The following MED13L variants were observed in gnomAD, a reference collection of about 807,000 sequenced individuals.
The protein encoded by MED13L is mediator of RNA polymerase II transcription subunit 13-like.
A neutral mutation model predicts 220.9 loss-of-function variants in MED13L; 7 were observed. The ratio of observed to expected loss-of-function variants is 0.03; its 90% CI spans 0.02 to 0.06. The LOEUF (loss-of-function observed/expected upper bound fraction) is 0.06, where lower values mean the gene tolerates loss of function less well. Among genes scored for constraint, MED13L ranks in the 10% least tolerant of loss-of-function variants. MED13L has a pLI of 1.00. For synonymous variants in MED13L, 1,011 were observed against 1,015.2 expected, an observed-to-expected ratio of 1.00 and a Z score of 0.08; for missense variants, 1,965 against 2,760.5, an observed-to-expected ratio of 0.71 and a Z score of 6.46.
At chr12:116,213,386 T>A (rs1475554476) in intron 2 of MED13L, among the ~76,000 whole-genome samples, 1 of 127,866 alleles carries the variant, frequency 7.8e-6, no homozygotes, top group African/African-American at 3.3e-5. Context: ...GCAAGTTTCT[T>A]CTGGAGTGCA....
chr12:115,972,061 G>A lies in MED13L; in HGVS notation c.5890+17C>T, dbSNP rs976682438. The A allele has an allele frequency of 2.5e-6, 4 of 1,612,916 alleles. No homozygotes were observed. The highest frequency in any genetic ancestry group is 2.5e-6 in the Non-Finnish European group (3 of 1,179,348). ...GATGTGATATGTAATTAATGACAAT[G>A]ACAAGAAGAAATTTACCTGGCATCA... is the stretch of plus-strand genomic sequence containing the variant. On this transcript the variant is annotated intron_variant, in intron 26 of 30. Transcript: ENST00000281928.
chr12:116,142,204 TTACTATCTTCTC>T (rs1469355280), intron 2 of MED13L, among the ~76,000 whole-genome samples: 1 of 152,204 alleles, frequency 6.6e-6, no homozygotes, highest in African/African-American at 2.4e-5. Flanking sequence ...GTTTACTTCT[TTACTATCTTCTC>T]TACCAGAGCT....
intron 9 of MED13L, among the ~76,000 whole-genome samples, chr12:116,009,495 C>A (rs1414265080): frequency 6.6e-6 from 1 of 152,106 alleles, no homozygotes; most frequent in Non-Finnish European, 1.5e-5. Context: ...TGCCAAGAAA[C>A]AACAAAGCTT....
chr12:115,996,818 C>T (rs1878436191), intron 15 of MED13L, 137 bp from the exon 16 acceptor site: 1 of 1,049,608 alleles, frequency 9.5e-7, no homozygotes, highest in Non-Finnish European at 1.5e-6. Context: ...TTAGAAAATG[C>T]TAATGCAGAA....
At chr12:116,096,787 A>G (rs757930685) in intron 3 of MED13L, 35 bp from the exon 4 acceptor site, 147 of 1,517,058 alleles carry the variant, frequency 9.7e-5, no homozygotes, top group Non-Finnish European at 1.3e-4. Flanking sequence ...CTTTTATAGT[A>G]TCAGTAACAA....
At chr12:116,106,728 C>T (rs1326712719) in intron 3 of MED13L, among the ~76,000 whole-genome samples, 5 of 151,966 alleles carry the variant, frequency 3.3e-5, no homozygotes, top group Non-Finnish European at 7.4e-5. Flanking sequence ...TACCTGTAAT[C>T]CCAGCTACTG....
Position 116,008,768 on chromosome 12 carries a change from G to A in MED13L, c.1645C>T (p.His549Tyr). The change falls in exon 10 of 31, where the codon CAT becomes TAT. Residue 549 changes from histidine to tyrosine, a missense_variant. Physicochemically the swap from His to Tyr is moderately conservative, Grantham distance 83 (BLOSUM62 2). Coordinates refer to ENST00000281928, the MANE Select transcript of MED13L (RefSeq NM_015335.5). ...QMNLNPMDSP[H>Y]SPISPLPPTL... ...GGTGGCAGAGGGGATATAGGGGAAT[G>A]AGGTGAATCCATAGGATTCAGATTC... 6.2e-7 allele frequency: 1 copy of A among 1,614,046 alleles called. No individual in the cohort carries two copies. Among genetic ancestry groups the A allele is most frequent in the Non-Finnish European group, 8.5e-7 (1 of 1,180,008 alleles).
chr12:115,982,419 A>G lies in MED13L; in HGVS notation c.5140T>C (p.Leu1714=). The change falls in exon 22 of 31, where the codon TTA becomes CTA. Residue 1714 remains leucine, a synonymous_variant. Transcript: ENST00000281928. ...MRCYTEMLDN[L]PEHMRNSFIL... ...AAAGAATTTCTCATATGCTCAGGTA[A>G]ATTATCCAGCATTTCTGTGTAGCAG... The G allele has an allele frequency of 6.2e-7, 1 of 1,614,120 alleles. No individual in the cohort carries two copies. Among genetic ancestry groups the G allele is most frequent in the Non-Finnish European group, 8.5e-7 (1 of 1,179,952 alleles).
At chr12:116,180,562 A>G (rs1051714454) in intron 2 of MED13L, among the ~76,000 whole-genome samples, 7 of 152,144 alleles carry the variant, frequency 4.6e-5, no homozygotes, top group African/African-American at 1.7e-4. Flanking sequence ...TCTGGTCCCA[A>G]GCGTTTCAAA....
intron 2 of MED13L, among the ~76,000 whole-genome samples, chr12:116,188,830 C>A (rs1258908182): frequency 6.6e-6 from 1 of 152,144 alleles, no homozygotes; most frequent in Non-Finnish European, 1.5e-5. Flanking sequence ...CACTATATAA[C>A]CTTTGAGATT....
intron 2 of MED13L, among the ~76,000 whole-genome samples, chr12:116,132,898 C>A (rs896470626): frequency 6.6e-6 from 1 of 150,956 alleles, no homozygotes; most frequent in South Asian, 2.1e-4. Context: ...GGTGACAAAG[C>A]GAGACTCTGT....
intron 2 of MED13L, among the ~76,000 whole-genome samples, chr12:116,188,586 C>T (rs949195449): frequency 6.6e-6 from 1 of 152,016 alleles, no homozygotes; most frequent in South Asian, 2.1e-4. Flanking sequence ...TTCAGTGTAC[C>T]CTTAACCCAG....
chr12:116,163,733 T>A (rs1879052636), intron 2 of MED13L, among the ~76,000 whole-genome samples: 1 of 152,212 alleles, frequency 6.6e-6, no homozygotes, highest in Non-Finnish European at 1.5e-5. Context: ...GAAGTACACA[T>A]ATCATACATA....
intron 2 of MED13L, among the ~76,000 whole-genome samples, chr12:116,137,365 T>C (rs1316850842): frequency 6.6e-6 from 1 of 152,186 alleles, no homozygotes; most frequent in Non-Finnish European, 1.5e-5. Flanking sequence ...TAGACAAATA[T>C]AATCTCCACT....
At chr12:116,074,035 G>T (rs990121617) in intron 4 of MED13L, among the ~76,000 whole-genome samples, 2 of 152,202 alleles carry the variant, frequency 1.3e-5, no homozygotes, top group African/African-American at 4.8e-5. Context: ...TTATTAATAT[G>T]TATTTCTCTA....
chr12:116,030,276 A>T (rs895688313), intron 4 of MED13L, among the ~76,000 whole-genome samples: 31 of 152,062 alleles, frequency 2.0e-4, no homozygotes, highest in Non-Finnish European at 1.5e-5. Flanking sequence ...GTTAGAAATC[A>T]ACAGTTTTTT....
chr12:116,110,586 T>C (rs1873996793), intron 3 of MED13L, among the ~76,000 whole-genome samples: 2 of 152,168 alleles, frequency 1.3e-5, no homozygotes, highest in Non-Finnish European at 2.9e-5. Context: ...TACAATCTCA[T>C]TGTATCTGGC....
At chr12:116,049,173 G>A (rs1203336170) in intron 4 of MED13L, among the ~76,000 whole-genome samples, 1 of 152,092 alleles carries the variant, frequency 6.6e-6, no homozygotes, top group Non-Finnish European at 1.5e-5. Context: ...TGAAAACAAA[G>A]ACACAACTGA....
chr12:116,150,145 G>A (rs1322262561), intron 2 of MED13L, among the ~76,000 whole-genome samples: 1 of 152,230 alleles, frequency 6.6e-6, no homozygotes, highest in Non-Finnish European at 1.5e-5. Flanking sequence ...ATTGGAATCA[G>A]AGCTGACGCT....
Sources: gnomAD v4.1 joint callset for allele counts (sites outside exome capture counted in the v4.1 genomes callset) on GRCh38, gnomAD v4.1.1 for gene constraint, MANE v1.5 for transcripts, NCBI Gene and HGNC (gene_info 2026-07-23, HGNC 2026-07-21) for gene names.